The following MTUS2 variants were observed in gnomAD, a reference collection of about 807,000 sequenced individuals.
The protein encoded by MTUS2 is microtubule-associated tumor suppressor candidate 2.
MTUS2 carries 40 observed loss-of-function variants against 114.1 expected under a neutral mutation model. The ratio of observed to expected loss-of-function variants is 0.35; its 90% confidence interval spans 0.27 to 0.46. The LOEUF is 0.46. Ranked by LOEUF, MTUS2 falls within the 20% of genes least tolerant of loss-of-function variation. The pLI is 1.00. For missense variants in MTUS2, 1,679 were observed against 1,705.4 expected (o/e 0.98, Z 0.27); for synonymous variants, 688 against 672.0 (o/e 1.02, Z -0.37).
chr13:29,218,791 A>G (rs1484796710), intron 5 of MTUS2, among the ~76,000 whole-genome samples: 2 of 152,188 alleles, frequency 1.3e-5, no homozygotes, highest in African/African-American at 4.8e-5. Flanking sequence ...TAAAATATAT[A>G]GTAAATCATG....
intron 5 of MTUS2, among the ~76,000 whole-genome samples, chr13:29,179,104 G>A (rs1210054076): frequency 6.6e-6 from 1 of 152,138 alleles, no homozygotes; most frequent in Non-Finnish European, 1.5e-5. Flanking sequence ...TGTGTCCATT[G>A]TTTTAATGTA....
At chr13:29,231,081 G>A (rs775797441) in intron 5 of MTUS2, among the ~76,000 whole-genome samples, 11 of 152,120 alleles carry the variant, frequency 7.2e-5, no homozygotes, top group Non-Finnish European at 1.3e-4. Flanking sequence ...CAAGCCCCAA[G>A]CAGTTCAAAC....
intron 9 of MTUS2, among the ~76,000 whole-genome samples, chr13:29,479,672 G>A (rs1203373951): frequency 6.6e-6 from 1 of 152,222 alleles, no homozygotes; most frequent in Non-Finnish European, 1.5e-5. Context: ...CTTCCATAGT[G>A]TGCAGCTCTC....
chr13:29,275,621 G>A (rs1735889187), intron 5 of MTUS2, among the ~76,000 whole-genome samples: 1 of 152,186 alleles, frequency 6.6e-6, no homozygotes, highest in Non-Finnish European at 1.5e-5. Flanking sequence ...AACATGGGAA[G>A]TTTGTCTTTC....
At chr13:29,245,975 G>A (rs181945297) in intron 5 of MTUS2, among the ~76,000 whole-genome samples, 40 of 152,310 alleles carry the variant, frequency 2.6e-4, no homozygotes, top group Admixed American at 1.9e-3. Flanking sequence ...GGGATTACAG[G>A]CGTGAGCCAC....
intron 5 of MTUS2, among the ~76,000 whole-genome samples, chr13:29,280,546 T>C (rs2139536733): frequency 6.6e-6 from 1 of 152,362 alleles, no homozygotes; most frequent in South Asian, 2.1e-4. Context: ...TTAGGAACAC[T>C]AAAGCCATTT....
intron 4 of MTUS2, among the ~76,000 whole-genome samples, chr13:29,075,642 G>A (rs1889158579): frequency 6.6e-6 from 1 of 152,156 alleles, no homozygotes; most frequent in Non-Finnish European, 1.5e-5. Context: ...GGCTTCCACT[G>A]AGGTTACTGA....
chr13:28,965,512 C>T (rs773018934), intron 2 of MTUS2, among the ~76,000 whole-genome samples: 5 of 151,982 alleles, frequency 3.3e-5, no homozygotes, highest in Admixed American at 1.3e-4. Flanking sequence ...TGTGCCTGAG[C>T]GATTGGTTGT....
Position 29,307,437 on chromosome 13 carries a change from C to A in MTUS2, c.2807-17176C>A. On this transcript the variant is annotated intron_variant, in intron 6 of 15. Transcript: ENST00000612955. ...ACGCTGCCAAGGCTGTGGCCAAGGT[C>A]ATCCCTGAGCTGAATGGGAAGCTCA... The A allele has an allele frequency of 2.3e-6, 3 of 1,304,954 alleles. No individual in the cohort carries two copies. In the South Asian group the frequency reaches 3.6e-5, roughly 16 times the overall value. The allele number at this position is 1,304,954 out of a possible 1,614,324, so 80.8% of individuals were successfully genotyped here.
chr13:29,116,429 A>G (rs1891087312), intron 5 of MTUS2, among the ~76,000 whole-genome samples: 1 of 152,166 alleles, frequency 6.6e-6, no homozygotes. Flanking sequence ...TATTATGTAC[A>G]TCAATTCTTC....
intron 5 of MTUS2, among the ~76,000 whole-genome samples, chr13:29,244,722 C>G (rs1453398975): frequency 6.6e-6 from 1 of 151,674 alleles, no homozygotes; most frequent in Admixed American, 6.6e-5. Context: ...TTTGGGAGGC[C>G]GAGGCGGGCG....
chr13:28,937,760 CCTT>C (rs1296856955), intron 2 of MTUS2, among the ~76,000 whole-genome samples: 1 of 152,092 alleles, frequency 6.6e-6, no homozygotes, highest in Non-Finnish European at 1.5e-5. Flanking sequence ...GGTGCAGTGA[CCTT>C]CTTGGTGCCA....
chr13:29,471,617 G>A (rs539850915), intron 9 of MTUS2, among the ~76,000 whole-genome samples: 2 of 152,240 alleles, frequency 1.3e-5, no homozygotes, highest in South Asian at 2.1e-4. Context: ...TTTTTAGGAA[G>A]CTATGGTGAG....
At chr13:28,914,312 T>A (rs560802882) in intron 2 of MTUS2, among the ~76,000 whole-genome samples, 79 of 152,286 alleles carry the variant, frequency 5.2e-4, no homozygotes, top group African/African-American at 1.7e-3. Context: ...TCTCATTAGT[T>A]TTGAAGAACT....
At chr13:29,167,633 A>T (rs1215585094) in intron 5 of MTUS2, among the ~76,000 whole-genome samples, 1 of 152,194 alleles carries the variant, frequency 6.6e-6, no homozygotes, top group Admixed American at 6.5e-5. Context: ...AAAAGGTCAC[A>T]GCAAAGGACT....
chr13:29,133,581 T>A (rs937419240), intron 5 of MTUS2, among the ~76,000 whole-genome samples: 1 of 152,244 alleles, frequency 6.6e-6, no homozygotes, highest in African/African-American at 2.4e-5. Context: ...AATATCCAGT[T>A]TTCGAAGAAT....
intron 5 of MTUS2, among the ~76,000 whole-genome samples, chr13:29,257,121 C>T (rs1276678209): frequency 6.6e-6 from 1 of 152,334 alleles, no homozygotes; most frequent in South Asian, 2.1e-4. Context: ...ACCTACTGGA[C>T]CAGGTTCTCA....
intron 6 of MTUS2, among the ~76,000 whole-genome samples, chr13:29,305,120 G>A (rs1337285756): frequency 1.3e-5 from 2 of 152,146 alleles, no homozygotes; most frequent in Non-Finnish European, 2.9e-5. Flanking sequence ...CAGAATCTCT[G>A]GGTTGCAACT....
intron 7 of MTUS2, among the ~76,000 whole-genome samples, chr13:29,334,228 G>T (rs1046787243): frequency 2.6e-5 from 4 of 152,124 alleles, no homozygotes; most frequent in African/African-American, 9.7e-5. Context: ...ATTATTATGT[G>T]TGAATTTGAT....
Sources: gnomAD v4.1 joint callset for allele counts (sites outside exome capture counted in the v4.1 genomes callset) on GRCh38, gnomAD v4.1.1 for gene constraint, MANE v1.5 for transcripts, NCBI Gene and HGNC (gene_info 2026-07-23, HGNC 2026-07-21) for gene names.